The following WIF1 variants were observed in gnomAD, a reference collection of about 807,000 sequenced individuals.
WIF1 encodes Wnt inhibitory factor 1.
Under a neutral mutation model 53.5 loss-of-function variants are expected in WIF1, and 35 were observed. The ratio of observed to expected loss-of-function variants is 0.65; its 90% CI spans 0.50 to 0.87. The LOEUF (loss-of-function observed/expected upper bound fraction) is 0.87. Among genes scored for constraint, WIF1 ranks in the 40% least tolerant of loss-of-function variants. The pLI, the probability that WIF1 is intolerant of heterozygous loss-of-function variation, is 0.00. For missense variants in WIF1, 467 were observed against 476.8 expected (o/e 0.98, Z 0.19); for synonymous variants, 171 against 170.4 (o/e 1.00, Z -0.03).
At chr12:65,077,104 C>T (rs1882873054) in intron 3 of WIF1, among the ~76,000 whole-genome samples, 1 of 152,074 alleles carries the variant, frequency 6.6e-6, no homozygotes, top group African/African-American at 2.4e-5. Context: ...AGTCAAATCT[C>T]CTAAGTCTTA....
intron 2 of WIF1, among the ~76,000 whole-genome samples, chr12:65,108,204 C>A (rs1384108196): frequency 6.6e-6 from 1 of 152,202 alleles, no homozygotes; most frequent in Non-Finnish European, 1.5e-5. Flanking sequence ...TGAGAGCAAG[C>A]ATCATATCCA....
At position 65,051,378 on chromosome 12, in the gene WIF1, C is replaced by T. The variant is rs758948738; in HGVS notation, c.1111G>A (p.Asp371Asn). ...PSLKKAEERR[D>N]PPESNYIW ...CAGATGTAATTGGATTCAGGTGGAT[C>T]CCGCCGCTCCTCGGCCTTTTTAAGT... Residue 371 changes from aspartate (D) to asparagine (N), a missense_variant, in exon 10 of 10, where the codon GAT becomes AAT. Asp to Asn is a conservative substitution (Grantham distance 23). Transcript: ENST00000286574. 2 of 1,613,782 alleles carry T rather than the reference C, an allele frequency of 1.2e-6. No individual in the cohort carries two copies. Among genetic ancestry groups the T allele is most frequent in the Non-Finnish European group, 1.7e-6 (2 of 1,179,868 alleles).
chr12:65,063,789 C>A (rs1207951889), intron 6 of WIF1, among the ~76,000 whole-genome samples: 2 of 150,964 alleles, frequency 1.3e-5, no homozygotes, highest in Admixed American at 6.6e-5. Flanking sequence ...TCATAGCTCA[C>A]TGCAACCTTA....
At chr12:65,098,033 G>T (rs988472816) in intron 2 of WIF1, among the ~76,000 whole-genome samples, 3 of 152,140 alleles carry the variant, frequency 2.0e-5, no homozygotes, top group African/African-American at 7.2e-5. Context: ...AACAAATTAA[G>T]AGAAGGACAA....
Position 65,094,625 on chromosome 12 carries a change from T to C in WIF1, c.289-16771A>G, listed in dbSNP as rs992126062. Reference sequence around the variant, plus strand: ...TAAGGGGGCAACAAAGAAGTCTGAATTGAAGGAGCACTTAATGACAGAATA... The same window carrying C: ...TAAGGGGGCAACAAAGAAGTCTGAACTGAAGGAGCACTTAATGACAGAATA... On this transcript the variant is annotated intron_variant, in intron 2 of 9. Transcript: ENST00000286574. Among the ~76,000 whole-genome samples the C allele has an allele frequency of 7.2e-5, 11 of 152,260 alleles. No homozygotes were observed. The East Asian group carries it at 1.5e-3, about 21-fold the overall frequency.
At chr12:65,103,701 A>T (rs941291270) in intron 2 of WIF1, among the ~76,000 whole-genome samples, 1 of 152,148 alleles carries the variant, frequency 6.6e-6, no homozygotes, top group Non-Finnish European at 1.5e-5. Context: ...CCCTTGTGTA[A>T]TATGGAGGTA....
At chr12:65,053,808 A>G (rs1362948161) in intron 9 of WIF1, among the ~76,000 whole-genome samples, 1 of 151,864 alleles carries the variant, frequency 6.6e-6, no homozygotes, top group Non-Finnish European at 1.5e-5. Flanking sequence ...AGCAAAACTT[A>G]GAAATTAGAA....
rs563186755 is a variant in WIF1 at position 65,051,158 on chromosome 12, C to A, written c.*191G>T. The A allele has an allele frequency of 1.9e-4, 110 of 589,286 alleles. No homozygotes were observed. In the South Asian group the frequency reaches 4.3e-3, roughly 23 times the overall value. The allele number at this position is 589,286 out of a possible 1,614,324, so 36.5% of individuals were successfully genotyped here. ...AAGCACTGAAACAAGAAAATCTATA[C>A]CATCATGCTACAGACGTACTTAGAA... On this transcript the variant is annotated 3_prime_UTR_variant, in exon 10 of 10. Transcript: ENST00000286574.
intron 3 of WIF1, 29 bp downstream of exon 3, chr12:65,077,716 TA>T: frequency 6.8e-7 from 1 of 1,471,766 alleles, no homozygotes; most frequent in Non-Finnish European, 9.5e-7. Flanking sequence ...ATTTTAAGTG[TA>T]AACCTTTCTT....
At chr12:65,086,447 G>T (rs546963420) in intron 2 of WIF1, among the ~76,000 whole-genome samples, 54 of 152,298 alleles carry the variant, frequency 3.5e-4, no homozygotes, top group African/African-American at 1.3e-3. Context: ...ACTGAGGAAA[G>T]AAAATGTCAT....
At chr12:65,054,422 A>G (rs1372245364) in intron 9 of WIF1, among the ~76,000 whole-genome samples, 2 of 152,104 alleles carry the variant, frequency 1.3e-5, no homozygotes, top group Admixed American at 1.3e-4. Context: ...CAGTGCTTGG[A>G]TTCATGCTTA....
At chr12:65,055,066 C>CTTTTAT in intron 9 of WIF1, 52 bp downstream of exon 9, 2 of 1,594,538 alleles carry the variant, frequency 1.3e-6, no homozygotes, top group Non-Finnish European at 1.7e-6. Context: ...CTCCCACTCA[C>CTTTTAT]TTTTATTTTT....
intron 2 of WIF1, among the ~76,000 whole-genome samples, chr12:65,097,386 T>C (rs1489320269): frequency 6.6e-6 from 1 of 152,106 alleles, no homozygotes; most frequent in African/African-American, 2.4e-5. Context: ...CTACATGGCA[T>C]AGTTATAAAA....
At chr12:65,080,746 C>A (rs1205703157) in intron 2 of WIF1, among the ~76,000 whole-genome samples, 2 of 152,096 alleles carry the variant, frequency 1.3e-5, no homozygotes, top group South Asian at 4.1e-4. Flanking sequence ...CCAAAACATT[C>A]TAAAGACTTA....
chr12:65,095,240 C>G (rs1479583430), intron 2 of WIF1, among the ~76,000 whole-genome samples: 1 of 151,888 alleles, frequency 6.6e-6, no homozygotes, highest in African/African-American at 2.4e-5. Context: ...TAGTGCCCAG[C>G]TTGAATTTTT....
At chr12:65,120,349 T>C in intron 2 of WIF1, 68 bp downstream of exon 2, 5 of 1,518,746 alleles carry the variant, frequency 3.3e-6, no homozygotes, top group Non-Finnish European at 4.4e-6. Flanking sequence ...GGCTACACAC[T>C]ATACAGTACT....
intron 2 of WIF1, among the ~76,000 whole-genome samples, chr12:65,092,029 A>G (rs1249710112): frequency 6.6e-6 from 1 of 152,154 alleles, no homozygotes; most frequent in Non-Finnish European, 1.5e-5. Flanking sequence ...GACAGGCACT[A>G]TGTGGAAGAC....
At chr12:65,096,814 A>G (rs984016026) in intron 2 of WIF1, among the ~76,000 whole-genome samples, 7 of 152,150 alleles carry the variant, frequency 4.6e-5, no homozygotes, top group Admixed American at 2.0e-4. Flanking sequence ...GAGTTGAACA[A>G]TGAGAACACA....
intron 2 of WIF1, among the ~76,000 whole-genome samples, chr12:65,084,745 G>A (rs771972130): frequency 6.6e-4 from 101 of 152,086 alleles, no homozygotes; most frequent in Non-Finnish European, 1.1e-3. Context: ...GTGTAAACCC[G>A]GTGCGTTCCA....
Sources: allele counts gnomAD v4.1 joint callset (sites outside exome capture counted in the v4.1 genomes callset), GRCh38; gene constraint gnomAD v4.1.1; transcripts MANE v1.5; gene names NCBI Gene and HGNC (gene_info 2026-07-23, HGNC 2026-07-21).